KCNH8: variants seen among roughly 807,000 people sequenced by gnomAD.
The protein encoded by KCNH8 is voltage-gated delayed rectifier potassium channel KCNH8.
In KCNH8, 70 loss-of-function variants were observed where a neutral mutation model predicts 103.6. That is an observed-to-expected ratio of 0.68 (90% confidence interval 0.56 to 0.82). The LOEUF (loss-of-function observed/expected upper bound fraction) is 0.82. KCNH8 is among the 40% of genes least tolerant of loss of function. KCNH8 has a pLI of 0.00. For missense variants in KCNH8, 1,217 were observed against 1,329.9 expected (o/e 0.92, Z 1.32); for synonymous variants, 498 against 489.4 (o/e 1.02, Z -0.23).
chr3:19,300,640 G>A (rs778191726), intron 3 of KCNH8, among the ~76,000 whole-genome samples: 5 of 151,996 alleles, frequency 3.3e-5, no homozygotes, highest in Admixed American at 2.0e-4. Context: ...ATTACATAAC[G>A]GTTTACAGTT....
In KCNH8 at chr3:19,342,717, A is replaced by G; in HGVS notation, c.570+3A>G. 1.2e-6 allele frequency: 2 copies of G among 1,602,152 alleles called. No individual in the cohort carries two copies. The highest frequency in any genetic ancestry group is 2.3e-5 in the East Asian group (1 of 44,330). On this transcript the variant is annotated splice_donor_region_variant and intron_variant, in intron 4 of 15. Coordinates refer to ENST00000328405, the MANE Select transcript of KCNH8 (RefSeq NM_144633.3). The stretch of plus-strand genomic sequence containing the variant: ...AGAACAAATTGAAAATAAATAACGT[A>G]GGTGGTATGTGTGTACAGGATGAAT...
chr3:19,246,992 C>T (rs2064214946), intron 1 of KCNH8, among the ~76,000 whole-genome samples: 2 of 152,154 alleles, frequency 1.3e-5, no homozygotes, highest in Admixed American at 6.5e-5. Context: ...TCTACTACTA[C>T]CTCAGCACTA....
chr3:19,192,908 G>A (rs2063566919), intron 1 of KCNH8, among the ~76,000 whole-genome samples: 1 of 151,354 alleles, frequency 6.6e-6, no homozygotes, highest in Non-Finnish European at 1.5e-5. Flanking sequence ...ATTTAGAAAA[G>A]GTCTACAAAC....
At chr3:19,345,955 T>A (rs1184544624) in intron 4 of KCNH8, among the ~76,000 whole-genome samples, 1 of 152,068 alleles carries the variant, frequency 6.6e-6, no homozygotes, top group Non-Finnish European at 1.5e-5. Flanking sequence ...ATAATCAGCA[T>A]AATCAAAGAC....
chr3:19,459,563 C>G (rs1255468683), intron 11 of KCNH8, among the ~76,000 whole-genome samples: 1 of 151,922 alleles, frequency 6.6e-6, no homozygotes, highest in East Asian at 1.9e-4. Flanking sequence ...TCTCTTGATT[C>G]TGTTGATTGT....
intron 1 of KCNH8, among the ~76,000 whole-genome samples, chr3:19,181,764 G>A (rs2125202885): frequency 6.6e-6 from 1 of 152,244 alleles, no homozygotes; most frequent in East Asian, 1.9e-4. Context: ...AAGATTATTA[G>A]CATACATATT....
intron 5 of KCNH8, among the ~76,000 whole-genome samples, chr3:19,378,231 C>G (rs531022306): frequency 6.6e-6 from 1 of 152,274 alleles, no homozygotes; most frequent in South Asian, 2.1e-4. Context: ...GTACATATCA[C>G]TTTCATTAGA....
intron 5 of KCNH8, among the ~76,000 whole-genome samples, chr3:19,379,134 G>A (rs1045928751): frequency 2.0e-5 from 3 of 152,128 alleles, no homozygotes; most frequent in Non-Finnish European, 2.9e-5. Flanking sequence ...TACTAATCAC[G>A]GAGAAGTTAT....
chr3:19,445,519 A>G (rs867580491), intron 8 of KCNH8, among the ~76,000 whole-genome samples: 10 of 152,140 alleles, frequency 6.6e-5, no homozygotes, highest in African/African-American at 2.2e-4. Flanking sequence ...AAATTTTAAT[A>G]GATGAGCTAA....
chr3:19,358,942 T>G (rs1485913989), intron 5 of KCNH8, among the ~76,000 whole-genome samples: 1 of 151,350 alleles, frequency 6.6e-6, no homozygotes, highest in Non-Finnish European at 1.5e-5. Context: ...ATATGAAATA[T>G]TACTAATCCA....
chr3:19,507,816 G>A (rs2068721369), intron 11 of KCNH8, among the ~76,000 whole-genome samples: 1 of 152,184 alleles, frequency 6.6e-6, no homozygotes, highest in African/African-American at 2.4e-5. Context: ...GCAACAGGGA[G>A]GGGCAAGGGC....
At chr3:19,161,585 T>C (rs1210985075) in intron 1 of KCNH8, among the ~76,000 whole-genome samples, 5 of 152,232 alleles carry the variant, frequency 3.3e-5, no homozygotes, top group Admixed American at 6.5e-5. Context: ...TCTAATTGAA[T>C]TGAAGTAAAA....
At chr3:19,399,980 A>G (rs1445573596) in intron 7 of KCNH8, among the ~76,000 whole-genome samples, 1 of 151,910 alleles carries the variant, frequency 6.6e-6, no homozygotes. Context: ...TTTCACAAGG[A>G]TGGCCTGAAC....
At chr3:19,269,854 A>T (rs1379991381) in intron 2 of KCNH8, among the ~76,000 whole-genome samples, 6 of 152,138 alleles carry the variant, frequency 3.9e-5, no homozygotes, top group African/African-American at 1.4e-4. Flanking sequence ...CTCAATATCA[A>T]ACTGGAAAGA....
At position 19,398,918 on chromosome 3, in the gene KCNH8, G is replaced by A. The variant is rs1208788331; in HGVS notation, c.1177+3607G>A. 5.9e-5 allele frequency among the ~76,000 whole-genome samples: 9 copies of A among 151,856 alleles called. No individual in the cohort carries two copies. The East Asian group carries it at 1.7e-3, about 29-fold the overall frequency. The stretch of plus-strand genomic sequence containing the variant: ...ATAGCTTTAAAAGTATTGCCTTTGC[G>A]GTTTAGTTTGGTGCTGGACAAAAAT... On this transcript the variant is annotated intron_variant, in intron 7 of 15. Coordinates refer to ENST00000328405, the MANE Select transcript of KCNH8 (RefSeq NM_144633.3).
chr3:19,468,632 T>C (rs1381418050), intron 11 of KCNH8, among the ~76,000 whole-genome samples: 2 of 152,220 alleles, frequency 1.3e-5, no homozygotes, highest in Non-Finnish European at 2.9e-5. Context: ...GGTGGTTTGA[T>C]ATAGTAAGTA....
At chr3:19,438,650 T>C (rs557715591) in intron 8 of KCNH8, among the ~76,000 whole-genome samples, 2 of 152,324 alleles carry the variant, frequency 1.3e-5, no homozygotes, top group African/African-American at 4.8e-5. Context: ...GCTTACTGTT[T>C]TATCCTGCAA....
chr3:19,213,183 C>T (rs1238937063), intron 1 of KCNH8, among the ~76,000 whole-genome samples: 3 of 152,140 alleles, frequency 2.0e-5, no homozygotes, highest in African/African-American at 7.2e-5. Context: ...ATTGCCTTTA[C>T]GAGTAATCTA....
At chr3:19,200,991 G>T (rs901787528) in intron 1 of KCNH8, among the ~76,000 whole-genome samples, 1 of 151,556 alleles carries the variant, frequency 6.6e-6, no homozygotes, top group Admixed American at 6.6e-5. Context: ...CAGCACTTTG[G>T]GAGGCTGAGA....
Sources: allele counts gnomAD v4.1 joint callset (sites outside exome capture counted in the v4.1 genomes callset), GRCh38; gene constraint gnomAD v4.1.1; transcripts MANE v1.5; gene names NCBI Gene and HGNC (gene_info 2026-07-23, HGNC 2026-07-21).